Variants in TENM4 observed in about 807,000 individuals in gnomAD.
TENM4 encodes teneurin-4.
TENM4 carries 82 observed loss-of-function variants against 243.3 expected under a neutral mutation model. That is an observed-to-expected ratio of 0.34 (90% CI 0.28 to 0.40). The LOEUF is 0.40. Ranked by LOEUF, TENM4 falls within the 10% of genes least tolerant of loss-of-function variation. The pLI, the probability that TENM4 is intolerant of heterozygous loss-of-function variation, is 1.00. For synonymous variants in TENM4, 1,412 were observed against 1,456.3 expected, an observed-to-expected ratio of 0.97 and a Z score of 0.69; for missense variants, 3,138 against 3,673.3, an observed-to-expected ratio of 0.85 and a Z score of 3.77.
intron 26 of TENM4, among the ~76,000 whole-genome samples, chr11:78,710,322 G>T (rs1330454384): frequency 6.6e-6 from 1 of 152,164 alleles, no homozygotes; most frequent in African/African-American, 2.4e-5. Flanking sequence ...GAGTTTCAAG[G>T]CCTTTGCTCC....
chr11:79,045,893 T>A (rs1859644338), intron 6 of TENM4, among the ~76,000 whole-genome samples: 2 of 152,190 alleles, frequency 1.3e-5, no homozygotes, highest in East Asian at 3.9e-4. Context: ...CACACCCTCA[T>A]GTGGAGTCAA....
Position 79,035,007 on chromosome 11 carries a change from C to T in TENM4, c.493+29731G>A, listed in dbSNP as rs537454825. 1.1e-4 allele frequency among the ~76,000 whole-genome samples: 16 copies of T among 152,298 alleles called. No individual in the cohort carries two copies. The South Asian group carries it at 2.7e-3, about 26-fold the overall frequency. On this transcript the variant is annotated intron_variant, in intron 6 of 33. Transcript: ENST00000278550. ...CCTCATCCCTTGCAGAGCACATCCCCTAAACACTTGAAAAAGTACTGCTCT... is the reference window on the plus strand; with the variant it reads ...CCTCATCCCTTGCAGAGCACATCCCTTAAACACTTGAAAAAGTACTGCTCT...
chr11:79,380,712 T>G lies in TENM4; in HGVS notation c.-321+59797A>C, dbSNP rs187082803. ...ACAGAACGCTTTTGTAGCCAAGCAC[T>G]CCAAGGATGCTTGTTCCAGGAAACA... On this transcript the variant is annotated intron_variant, in intron 1 of 33. Transcript: ENST00000278550. 2.6e-5 allele frequency among the ~76,000 whole-genome samples: 4 copies of G among 152,276 alleles called. No individual in the cohort carries two copies. The East Asian group carries it at 7.7e-4, about 29-fold the overall frequency.
intron 1 of TENM4, among the ~76,000 whole-genome samples, chr11:79,323,612 A>T (rs1856927598): frequency 1.3e-5 from 2 of 152,240 alleles, no homozygotes; most frequent in Non-Finnish European, 2.9e-5. Flanking sequence ...TGTTGCTGTG[A>T]AGGTATTTGT....
At chr11:79,346,099 T>C (rs1331118409) in intron 1 of TENM4, among the ~76,000 whole-genome samples, 1 of 152,174 alleles carries the variant, frequency 6.6e-6, no homozygotes, top group Non-Finnish European at 1.5e-5. Context: ...AGAGGAGACA[T>C]TCCCAAATAA....
intron 6 of TENM4, among the ~76,000 whole-genome samples, chr11:79,005,407 G>A (rs1327170567): frequency 1.3e-5 from 2 of 152,098 alleles, no homozygotes; most frequent in Non-Finnish European, 2.9e-5. Context: ...AATCCACCAC[G>A]ATCAATTAGG....
intron 6 of TENM4, among the ~76,000 whole-genome samples, chr11:78,910,446 A>G (rs542290404): frequency 6.6e-6 from 1 of 151,598 alleles, no homozygotes; most frequent in East Asian, 2.0e-4. Context: ...TAGCTAATGA[A>G]TCTTGGCCTA....
chr11:78,813,003 CGT>C (rs1857531519), intron 13 of TENM4, among the ~76,000 whole-genome samples: 1 of 152,130 alleles, frequency 6.6e-6, no homozygotes, highest in African/African-American at 2.4e-5. Context: ...CTTTTTTACA[CGT>C]GACTCTTAAG....
chr11:79,167,327 C>A (rs1038205173), intron 3 of TENM4, among the ~76,000 whole-genome samples: 1 of 152,160 alleles, frequency 6.6e-6, no homozygotes, highest in African/African-American at 2.4e-5. Context: ...CAGTGGGGAC[C>A]TGTTGAAGGG....
intron 9 of TENM4, among the ~76,000 whole-genome samples, chr11:78,881,563 G>A (rs931872068): frequency 1.3e-5 from 2 of 152,090 alleles, no homozygotes; most frequent in South Asian, 2.1e-4. Context: ...AGAACCATTA[G>A]CCAGGGGGTA....
intron 27 of TENM4, 71 bp from the exon 28 acceptor site, chr11:78,702,474 T>A: frequency 1.3e-6 from 2 of 1,546,222 alleles, no homozygotes; most frequent in Non-Finnish European, 1.7e-6. Context: ...ATAGCCCATG[T>A]AGCCCATAAC....
At chr11:79,288,827 G>A (rs757894381) in intron 2 of TENM4, among the ~76,000 whole-genome samples, 1 of 152,080 alleles carries the variant, frequency 6.6e-6, no homozygotes, top group Non-Finnish European at 1.5e-5. Context: ...GGATGTCTAA[G>A]GTGGGCTGCT....
chr11:78,818,650 T>C lies in TENM4; in HGVS notation c.1682-4255A>G, dbSNP rs149028991. ...ATAATGAGTCTCCACTGACCAGGTA[T>C]CTCTGTGCTACATTCTAGGGCAGAA... On this transcript the variant is annotated intron_variant, in intron 12 of 33. Coordinates refer to ENST00000278550, the MANE Select transcript of TENM4 (RefSeq NM_001098816.3). Among the ~76,000 whole-genome samples, 78 of 152,356 alleles carry C rather than the reference T, an allele frequency of 5.1e-4. 1 individual carries two copies. In the East Asian group the frequency reaches 0.014, roughly 27 times the overall value.
chr11:78,671,641 G>A (rs1858328367), intron 31 of TENM4, among the ~76,000 whole-genome samples: 2 of 152,230 alleles, frequency 1.3e-5, no homozygotes, highest in Non-Finnish European at 2.9e-5. Context: ...AAGCTCAGGA[G>A]TAAGTGCCTC....
intron 4 of TENM4, among the ~76,000 whole-genome samples, chr11:79,105,200 AAATGAATAT>A (rs1403055509): frequency 6.6e-6 from 1 of 152,224 alleles, no homozygotes; most frequent in African/African-American, 2.4e-5. Flanking sequence ...GTTGTAAAAC[AAATGAATAT>A]AATTTGGCTT....
chr11:79,277,937 C>A (rs1856088816), intron 2 of TENM4, among the ~76,000 whole-genome samples: 2 of 152,124 alleles, frequency 1.3e-5, no homozygotes, highest in Non-Finnish European at 2.9e-5. Context: ...GACCAGAAGG[C>A]CCCCTAAGCA....
rs1413389036 is a variant in TENM4, at chr11:79,121,599, C to A, written c.-66+27111G>T. Among the ~76,000 whole-genome samples, 37 of 152,190 alleles carry A rather than the reference C, an allele frequency of 2.4e-4. 1 individual carries two copies. The highest frequency in any genetic ancestry group is 2.4e-3 in the Admixed American group (37 of 15,276). ...AATTAGCATCTCACAGTTGCACAGC[C>A]AGGAAGCCCTAGGAATGAGGGCCCT... On this transcript the variant is annotated intron_variant, in intron 4 of 33. Coordinates refer to ENST00000278550, the MANE Select transcript of TENM4 (RefSeq NM_001098816.3).
At chr11:79,199,669 G>T (rs1863702363) in intron 3 of TENM4, among the ~76,000 whole-genome samples, 2 of 152,192 alleles carry the variant, frequency 1.3e-5, no homozygotes, top group South Asian at 4.1e-4. Flanking sequence ...AAGCAGGGTG[G>T]CTGGATGTGG....
chr11:78,706,920 C>T lies in TENM4; in HGVS notation c.4209+1441G>A, dbSNP rs572870632. 1.4e-3 allele frequency among the ~76,000 whole-genome samples: 213 copies of T among 152,260 alleles called. 1 individual carries two copies. The highest frequency in any genetic ancestry group is 2.4e-3 in the Non-Finnish European group (163 of 68,026). ...GGTAAGCCTGCCAAAACTGCAAAGACGAGTGGCAGAGAACAGCATCCACTC... is the reference window on the plus strand; with the variant it reads ...GGTAAGCCTGCCAAAACTGCAAAGATGAGTGGCAGAGAACAGCATCCACTC... On this transcript the variant is annotated intron_variant, in intron 27 of 33. Coordinates refer to ENST00000278550, the MANE Select transcript of TENM4 (RefSeq NM_001098816.3).
Sources: allele counts gnomAD v4.1 joint callset (sites outside exome capture counted in the v4.1 genomes callset), GRCh38; gene constraint gnomAD v4.1.1; transcripts MANE v1.5; gene names NCBI Gene and HGNC (gene_info 2026-07-23, HGNC 2026-07-21).